WWP1: variants seen among roughly 807,000 people sequenced by gnomAD.
The protein encoded by WWP1 is NEDD4-like E3 ubiquitin-protein ligase WWP1.
A neutral mutation model predicts 130.6 loss-of-function variants in WWP1; 49 were observed. The ratio of observed to expected loss-of-function variants is 0.38; its 90% CI spans 0.30 to 0.48. WWP1 has a LOEUF of 0.48. WWP1 is among the 20% of genes least tolerant of loss of function. WWP1 has a pLI of 0.99. For synonymous variants in WWP1, 332 were observed against 367.8 expected (o/e 0.90, Z 1.11); for missense variants, 809 against 1,100.6 (o/e 0.74, Z 3.75).
At position 86,371,458 on chromosome 8, in the gene WWP1, G is replaced by A. The variant is rs543247682; in HGVS notation, c.-22+2427G>A. Among the ~76,000 whole-genome samples the A allele has an allele frequency of 7.9e-5, 12 of 152,248 alleles. No individual in the cohort carries two copies. In the East Asian group the frequency reaches 1.5e-3, roughly 20 times the overall value. The stretch of plus-strand genomic sequence containing the variant: ...TTGCCATCTGAAAACGCCTACCAGC[G>A]GTGTATAAGAGCCACCACTGTTGCA... On this transcript the variant is annotated intron_variant, in intron 2 of 24. Coordinates refer to ENST00000517970, the MANE Select transcript of WWP1 (RefSeq NM_007013.4).
At chr8:86,434,800 T>A (rs907623495) in intron 14 of WWP1, among the ~76,000 whole-genome samples, 2 of 152,222 alleles carry the variant, frequency 1.3e-5, no homozygotes, top group African/African-American at 4.8e-5. Context: ...CACTTGAACC[T>A]GACAACACAA....
chr8:86,431,641 A>T lies in WWP1; in HGVS notation c.1499A>T (p.Glu500Val). The T allele has an allele frequency of 6.2e-7, 1 of 1,613,920 alleles. No homozygotes were observed. Among genetic ancestry groups the T allele is most frequent in the Non-Finnish European group, 8.5e-7 (1 of 1,179,902 alleles). Residue 500 changes from glutamate (E) to valine (V), a missense_variant, in exon 14 of 25, where the codon GAA (glutamate) becomes GTA (valine). Coordinates refer to ENST00000517970, the MANE Select transcript of WWP1 (RefSeq NM_007013.4). ...TTACAGAATGAAGAACCCCTGCCAG[A>T]AGGCTGGGAAATTAGATATACTCGT... ...QGLQNEEPLP[E>V]GWEIRYTREG...
At position 86,436,025 on chromosome 8, in the gene WWP1, A is replaced by C. The variant is rs1489216214; in HGVS notation, c.1749+321A>C. Among the ~76,000 whole-genome samples the C allele has an allele frequency of 2.0e-5, 3 of 152,108 alleles. No homozygotes were observed. The East Asian group carries it at 5.8e-4, about 29-fold the overall frequency. On this transcript the variant is annotated intron_variant, in intron 16 of 24. Coordinates refer to ENST00000517970, the MANE Select transcript of WWP1 (RefSeq NM_007013.4). ...GAGTGCCCATTTTAATCATAGTTAC[A>C]CTAAACCTTCCCATATACTGAGTGA...
At chr8:86,349,001 A>C (rs1021500237) in intron 1 of WWP1, among the ~76,000 whole-genome samples, 2 of 152,154 alleles carry the variant, frequency 1.3e-5, no homozygotes, top group Non-Finnish European at 2.9e-5. Flanking sequence ...CTTAGGGCTC[A>C]CAAGAGTACA....
chr8:86,459,016 C>CTTTTTTCTTTTTTT (rs1811610444), intron 22 of WWP1, among the ~76,000 whole-genome samples: 1 of 125,828 alleles, frequency 7.9e-6, no homozygotes, highest in African/African-American at 3.1e-5. Context: ...TTTTCTTTTT[C>CTTTTTTCTTTTTTT]TTTTTTCTTT....
chr8:86,461,874 G>A (rs1224899239), intron 24 of WWP1, 28 bp downstream of exon 24: 2 of 1,556,438 alleles, frequency 1.3e-6, no homozygotes, highest in Non-Finnish European at 1.8e-6. Flanking sequence ...AAATACGAAG[G>A]TGAAAGCCAC....
intron 1 of WWP1, among the ~76,000 whole-genome samples, chr8:86,364,833 A>AAGAGAGAGAGAG (rs1012959189): frequency 4.2e-4 from 48 of 113,822 alleles, no homozygotes; most frequent in Middle Eastern, 4.1e-3. Context: ...GAAAGAAAGA[A>AAGAGAGAGAGAG]AGAGAGAGAG....
chr8:86,355,627 G>A (rs942765064), intron 1 of WWP1, among the ~76,000 whole-genome samples: 3 of 152,146 alleles, frequency 2.0e-5, no homozygotes, highest in East Asian at 1.9e-4. Context: ...CCCAGAATAC[G>A]TGGAAATTAT....
Position 86,461,406 on chromosome 8 carries a change from A to G in WWP1, c.2596+86A>G, listed in dbSNP as rs150006403. ...ACATACAATAGACTTGATTGAACCT[A>G]AAGATTACTCTTCTGTGCTGTAGGT... On this transcript the variant is annotated intron_variant, in intron 23 of 24. Coordinates refer to ENST00000517970, the MANE Select transcript of WWP1 (RefSeq NM_007013.4). 1.1e-4 allele frequency: 132 copies of G among 1,159,808 alleles called. 2 individuals carry two copies. The East Asian group carries it at 3.1e-3, about 27-fold the overall frequency. 71.8% of individuals were successfully genotyped at this position (1,159,808 alleles called of 1,614,324 possible).
chr8:86,392,760 A>G (rs1041269714), intron 5 of WWP1, among the ~76,000 whole-genome samples: 19 of 134,950 alleles, frequency 1.4e-4, no homozygotes, highest in African/African-American at 4.4e-4. Context: ...TTCACTTACT[A>G]TCAACACAAA....
intron 18 of WWP1, 133 bp from the exon 19 acceptor site, chr8:86,448,015 T>G: frequency 1.3e-6 from 1 of 750,256 alleles, no homozygotes; most frequent in Non-Finnish European, 2.0e-6. Flanking sequence ...TATTTTAGTT[T>G]TCATGATTTA....
chr8:86,352,733 C>T (rs575554251), intron 1 of WWP1, among the ~76,000 whole-genome samples: 21 of 152,226 alleles, frequency 1.4e-4, no homozygotes, highest in Admixed American at 1.3e-3. Context: ...TCTGAACCTT[C>T]CAGATGTTTA....
chr8:86,420,733 G>C (rs1477122783), intron 9 of WWP1, among the ~76,000 whole-genome samples: 3 of 152,128 alleles, frequency 2.0e-5, no homozygotes, highest in Non-Finnish European at 4.4e-5. Flanking sequence ...TTTGCAATAA[G>C]TCTCACAGAC....
chr8:86,343,512 T>C (rs1475975843), intron 1 of WWP1, among the ~76,000 whole-genome samples: 1 of 150,716 alleles, frequency 6.6e-6, no homozygotes, highest in African/African-American at 2.4e-5. Context: ...GTCCTTATCT[T>C]GTCTGTGACT....
intron 8 of WWP1, among the ~76,000 whole-genome samples, chr8:86,406,445 T>A (rs149659036): frequency 1.6e-4 from 25 of 152,298 alleles, no homozygotes; most frequent in African/African-American, 6.0e-4. Flanking sequence ...GTACATGATA[T>A]CACAAGTTTA....
chr8:86,357,459 A>G (rs1490119958), intron 1 of WWP1, among the ~76,000 whole-genome samples: 3 of 152,212 alleles, frequency 2.0e-5, no homozygotes, highest in African/African-American at 7.2e-5. Context: ...TCTAGAATAA[A>G]TAGGCCATTT....
In WWP1 at chr8:86,411,792, G is replaced by A; in HGVS notation, c.979G>A (p.Ala327Thr). 6.2e-7 allele frequency: 1 copy of A among 1,614,144 alleles called. No individual in the cohort carries two copies. Among genetic ancestry groups the A allele is most frequent in the South Asian group, 1.1e-5 (1 of 91,086 alleles). Residue 327 changes from alanine to threonine, a missense_variant, in exon 9 of 25, where the codon GCC becomes ACC. Ala to Thr is a moderately conservative substitution (Grantham distance 58). Around this residue, in one of 3 missense-constraint regions of WWP1, gnomAD observed 97 missense variants for 80.4 expected, o/e 1.21. Coordinates refer to ENST00000517970, the MANE Select transcript of WWP1 (RefSeq NM_007013.4). ...TAGAAGTAGTTCTGCTTTTGAAGCA[G>A]CCAAATCAAGACAGCCAGATGGGTG... is the stretch of plus-strand genomic sequence containing the variant. ...NSRSSSAFEA[A>T]KSRQPDGCMD...
intron 17 of WWP1, among the ~76,000 whole-genome samples, chr8:86,441,562 T>G (rs1810592151): frequency 6.6e-6 from 1 of 152,210 alleles, no homozygotes. Flanking sequence ...ATTTCTGACT[T>G]CTCTTTAAAA....
chr8:86,418,292 A>C (rs959300409), intron 9 of WWP1, among the ~76,000 whole-genome samples: 3 of 152,194 alleles, frequency 2.0e-5, no homozygotes, highest in Non-Finnish European at 4.4e-5. Flanking sequence ...GGTCTAATAT[A>C]TAGGTCTCCC....
Sources: gnomAD v4.1 joint callset for allele counts (sites outside exome capture counted in the v4.1 genomes callset) on GRCh38, gnomAD v4.1.1 for gene constraint, gnomAD v4.1.1 regional missense constraint, MANE v1.5 for transcripts, NCBI Gene and HGNC (gene_info 2026-07-23, HGNC 2026-07-21) for gene names.